Variants in SUPV3L1 observed in about 807,000 individuals in gnomAD.
SUPV3L1 encodes the protein ATP-dependent RNA helicase SUPV3L1, mitochondrial.
SUPV3L1 carries 35 observed loss-of-function variants against 70.0 expected under a neutral mutation model. The ratio of observed to expected loss-of-function variants is 0.50; its 90% CI spans 0.38 to 0.66. The LOEUF (loss-of-function observed/expected upper bound fraction) is 0.66. Among genes scored for constraint, SUPV3L1 ranks in the 30% least tolerant of loss-of-function variants. The pLI is 0.00. For synonymous variants in SUPV3L1, 364 were observed against 341.9 expected (o/e 1.06, Z -0.71); for missense variants, 777 against 961.5 (o/e 0.81, Z 2.54).
At chr10:69,207,297 G>C (rs572759556) in intron 13 of SUPV3L1, among the ~76,000 whole-genome samples, 62 of 152,058 alleles carry the variant, frequency 4.1e-4, no homozygotes, top group African/African-American at 1.4e-3. Context: ...TTATTACCCT[G>C]GTTTTAGAAA....
In SUPV3L1 at chr10:69,197,068, G is replaced by A. The variant is rs200795704; in HGVS notation, c.1008G>A (p.Thr336=). 14 of 1,613,986 alleles carry A rather than the reference G, an allele frequency of 8.7e-6. No homozygotes were observed. The East Asian group carries it at 2.0e-4, about 23-fold the overall frequency. ...IDLVMELMYT[T]GEEVEVRDYK... The stretch of plus-strand genomic sequence containing the variant: ...TGGTGATGGAGCTTATGTACACAAC[G>A]GGGGAGGAAGTGGAGGTATTCGATT... The change falls in exon 8 of 15, where the codon ACG becomes ACA. Residue 336 remains threonine, a synonymous_variant. Transcript: ENST00000359655.
At chr10:69,197,644 A>G (rs1414362254) in intron 8 of SUPV3L1, among the ~76,000 whole-genome samples, 1 of 152,184 alleles carries the variant, frequency 6.6e-6, no homozygotes, top group Non-Finnish European at 1.5e-5. Context: ...ATCACAACTC[A>G]CTGCAGTCTC....
At chr10:69,202,134 C>T (rs911416065) in intron 11 of SUPV3L1, among the ~76,000 whole-genome samples, 3 of 152,150 alleles carry the variant, frequency 2.0e-5, no homozygotes, top group Non-Finnish European at 4.4e-5. Flanking sequence ...CCACCACACC[C>T]AGCCCATAAA....
chr10:69,190,683 C>T (rs529497691), intron 5 of SUPV3L1, among the ~76,000 whole-genome samples: 3 of 152,338 alleles, frequency 2.0e-5, no homozygotes, highest in South Asian at 2.1e-4. Context: ...ATTTAGTTGT[C>T]ATATCTCTAG....
intron 8 of SUPV3L1, 107 bp from the exon 9 acceptor site, chr10:69,198,265 A>T: frequency 3.3e-6 from 3 of 916,542 alleles, no homozygotes; most frequent in Non-Finnish European, 4.9e-6. Context: ...ATTGGTACTT[A>T]TCAGTTTTTA....
chr10:69,207,649 A>G, intron 13 of SUPV3L1, 144 bp from the exon 14 acceptor site: 2 of 929,130 alleles, frequency 2.2e-6, no homozygotes. Flanking sequence ...AAAATGTAGA[A>G]GAGTATAAAG....
In SUPV3L1 at chr10:69,186,560, T is replaced by C. The variant is rs760478446; in HGVS notation, c.457+10T>C. 1.3e-6 allele frequency: 2 copies of C among 1,599,774 alleles called. No homozygotes were observed. The highest frequency in any genetic ancestry group is 1.7e-4 in the Middle Eastern group (1 of 6,036). Reference sequence around the variant, plus strand: ...ATTTGCTTCGGTGCAGGCAAGTGTTTAGAGACTTTTTAAAATCCTATTGAA... The same window carrying C: ...ATTTGCTTCGGTGCAGGCAAGTGTTCAGAGACTTTTTAAAATCCTATTGAA... On this transcript the variant is annotated intron_variant, in intron 3 of 14. Transcript: ENST00000359655.
chr10:69,181,418 A>G (rs889718077), intron 1 of SUPV3L1, among the ~76,000 whole-genome samples: 11 of 152,202 alleles, frequency 7.2e-5, no homozygotes, highest in Non-Finnish European at 1.5e-4. Context: ...AATATAGACT[A>G]CAATATGTTT....
chr10:69,189,530 G>T, intron 5 of SUPV3L1, 95 bp downstream of exon 5: 3 of 1,250,250 alleles, frequency 2.4e-6, no homozygotes, highest in Non-Finnish European at 1.1e-6. Flanking sequence ...CTGTTAACAA[G>T]AAATTACCAT....
chr10:69,195,212 T>C lies in SUPV3L1; in HGVS notation c.878T>C (p.Ile293Thr). Residue 293 changes from isoleucine (I) to threonine (T), a missense_variant, in exon 7 of 15, where the codon ATT becomes ACT. Physicochemically the swap from Ile to Thr is moderately conservative, Grantham distance 89. This residue lies in a region of SUPV3L1 where 619 missense variants were observed against 823.3 expected (regional missense o/e 0.75). Transcript: ENST00000359655. ...GATGAAGTGGCTGTAATTGATGAAA[T>C]TCAAATGATTAGAGATCCAGCCAGA... ...TPYEVAVIDE[I>T]QMIRDPARGW... 6.2e-7 allele frequency: 1 copy of C among 1,612,700 alleles called. No individual in the cohort carries two copies.
intron 11 of SUPV3L1, among the ~76,000 whole-genome samples, chr10:69,201,864 CG>C (rs1247333001): frequency 2.6e-5 from 3 of 117,046 alleles, no homozygotes; most frequent in Non-Finnish European, 5.4e-5. Context: ...TTTTTTTAGA[CG>C]GAGTCTTGCT....
chr10:69,195,703 T>C (rs1439037368), intron 7 of SUPV3L1, among the ~76,000 whole-genome samples: 1 of 152,188 alleles, frequency 6.6e-6, no homozygotes, highest in African/African-American at 2.4e-5. Context: ...AACCTTTTTT[T>C]CCCTATTACT....
intron 1 of SUPV3L1, chr10:69,182,703 C>A (rs956598767): frequency 1.0e-6 from 1 of 984,702 alleles, no homozygotes; most frequent in Non-Finnish European, 1.2e-6. Flanking sequence ...GTTGAATTTA[C>A]TAGAATGATT....
chr10:69,193,863 A>G (rs1221908959), intron 6 of SUPV3L1, among the ~76,000 whole-genome samples: 1 of 152,230 alleles, frequency 6.6e-6, no homozygotes, highest in Non-Finnish European at 1.5e-5. Context: ...AGGGAATAGA[A>G]TAAGGTATTT....
intron 6 of SUPV3L1, among the ~76,000 whole-genome samples, chr10:69,193,449 G>C (rs910261108): frequency 1.4e-5 from 2 of 144,354 alleles, no homozygotes; most frequent in African/African-American, 5.2e-5. Flanking sequence ...AGATCACGAA[G>C]TAGTTTTTTT....
Position 69,203,040 on chromosome 10 carries a change from A to G in SUPV3L1, c.1773A>G (p.Leu591=), listed in dbSNP as rs773090971. ...AGCCTTTTGTGTGTTCTTCACTGTT[A>G]CAGGTAAGCCTTTATCTTTAAGCTA... ...KKQPFVCSSL[L]QFARQYSRNE... is the part of the protein sequence containing the mutation. The change falls in exon 13 of 15, where the codon TTA becomes TTG. Residue 591 remains leucine (L), a synonymous_variant. Transcript: ENST00000359655. 1.1e-5 allele frequency: 18 copies of G among 1,611,374 alleles called. 1 individual carries two copies. Among genetic ancestry groups the G allele is most frequent in the Non-Finnish European group, 1.5e-5 (18 of 1,178,794 alleles).
chr10:69,208,374 C>T (rs1448723862), intron 14 of SUPV3L1, among the ~76,000 whole-genome samples: 1 of 152,208 alleles, frequency 6.6e-6, no homozygotes, highest in Non-Finnish European at 1.5e-5. Context: ...TGTCCCTCTC[C>T]AGGAGTATAT....
intron 13 of SUPV3L1, among the ~76,000 whole-genome samples, chr10:69,206,773 C>T (rs1253265964): frequency 6.6e-6 from 1 of 152,178 alleles, no homozygotes; most frequent in Non-Finnish European, 1.5e-5. Flanking sequence ...CTTTGGGAGG[C>T]CGAGGCGGGT....
chr10:69,186,634 C>G, intron 3 of SUPV3L1, 84 bp downstream of exon 3: 1 of 1,219,044 alleles, frequency 8.2e-7, no homozygotes, highest in Non-Finnish European at 1.2e-6. Context: ...TCTAGAAGGG[C>G]TTATTTGGTT....
Sources: allele counts gnomAD v4.1 joint callset (sites outside exome capture counted in the v4.1 genomes callset), GRCh38; gene constraint gnomAD v4.1.1; regional missense constraint gnomAD v4.1.1; transcripts MANE v1.5; gene names NCBI Gene and HGNC (gene_info 2026-07-23, HGNC 2026-07-21).